The following ELMO1 variants were observed in gnomAD, a reference collection of about 807,000 sequenced individuals.
The protein encoded by ELMO1 is engulfment and cell motility protein 1.
In ELMO1, 26 loss-of-function variants were observed where a neutral mutation model predicts 98.9. The ratio of observed to expected loss-of-function variants is 0.26; its 90% CI spans 0.19 to 0.36. The LOEUF (loss-of-function observed/expected upper bound fraction) is 0.36, where lower values mean the gene tolerates loss of function less well. Ranked by LOEUF, ELMO1 falls within the 10% of genes least tolerant of loss-of-function variation. The pLI is 1.00. For missense variants in ELMO1, 627 were observed against 935.2 expected (o/e 0.67, Z 4.30); for synonymous variants, 346 against 346.0 (o/e 1.00, Z 0.00).
intron 13 of ELMO1, among the ~76,000 whole-genome samples, chr7:37,187,854 T>C (rs1791311458): frequency 6.6e-6 from 1 of 152,082 alleles, no homozygotes; most frequent in South Asian, 2.1e-4. Context: ...TTTAAAAAAA[T>C]AACGACACAA....
chr7:37,131,796 C>G (rs1297839125), intron 14 of ELMO1, among the ~76,000 whole-genome samples: 1 of 152,196 alleles, frequency 6.6e-6, no homozygotes, highest in Admixed American at 6.5e-5. Context: ...CAATAAAATT[C>G]TCTATATATT....
intron 10 of ELMO1, among the ~76,000 whole-genome samples, chr7:37,221,637 C>CA: frequency 6.6e-6 from 1 of 152,248 alleles, no homozygotes; most frequent in African/African-American, 2.4e-5. Flanking sequence ...AAAGGATCTA[C>CA]AGACAAAGGA....
intron 1 of ELMO1, chr7:37,429,799 G>A (rs1468982309): frequency 6.6e-6 from 1 of 152,326 alleles, no homozygotes; most frequent in East Asian, 1.9e-4. Context: ...TGAAGGATGA[G>A]GAATGGAACT....
chr7:36,896,367 C>T (rs1805997493), intron 16 of ELMO1, among the ~76,000 whole-genome samples: 1 of 152,186 alleles, frequency 6.6e-6, no homozygotes, highest in Non-Finnish European at 1.5e-5. Context: ...TGATATATTT[C>T]TTGCCTTCCG....
chr7:36,889,382 C>T (rs1045658000), intron 17 of ELMO1, among the ~76,000 whole-genome samples: 3 of 152,256 alleles, frequency 2.0e-5, no homozygotes, highest in Admixed American at 6.5e-5. Flanking sequence ...CAGTAAATTG[C>T]AGCTTTGAAG....
At chr7:37,373,013 G>C (rs1802177806) in intron 1 of ELMO1, among the ~76,000 whole-genome samples, 1 of 152,198 alleles carries the variant, frequency 6.6e-6, no homozygotes, top group Non-Finnish European at 1.5e-5. Flanking sequence ...GTACGGAAGT[G>C]GCACCCGTGC....
chr7:37,031,389 G>A (rs530479991), intron 15 of ELMO1, among the ~76,000 whole-genome samples: 2 of 152,246 alleles, frequency 1.3e-5, no homozygotes, highest in African/African-American at 4.8e-5. Flanking sequence ...AAAATTTTGA[G>A]AAAATAAGAC....
chr7:37,255,168 G>GT (rs1228500195), intron 6 of ELMO1, among the ~76,000 whole-genome samples: 7 of 152,318 alleles, frequency 4.6e-5, no homozygotes, highest in African/African-American at 1.7e-4. Flanking sequence ...GAATGGGACA[G>GT]TATTTGGAGA....
chr7:37,093,226 T>G (rs1342827610), intron 15 of ELMO1, among the ~76,000 whole-genome samples: 2 of 152,132 alleles, frequency 1.3e-5, no homozygotes, highest in Non-Finnish European at 2.9e-5. Flanking sequence ...ATATTTGGTA[T>G]CAGTAATTAA....
chr7:37,270,266 T>A (rs1796486022), intron 5 of ELMO1: 3 of 152,168 alleles, frequency 2.0e-5, no homozygotes, highest in Non-Finnish European at 4.4e-5. Context: ...CTCCATTAAG[T>A]AGCAAAGCAG....
intron 13 of ELMO1, among the ~76,000 whole-genome samples, chr7:37,174,089 C>G (rs1463926966): frequency 6.6e-6 from 1 of 152,194 alleles, no homozygotes; most frequent in Admixed American, 6.5e-5. Context: ...TAAATGAAAC[C>G]ATGACTGGGG....
chr7:36,897,647 C>T (rs924222645), intron 16 of ELMO1, among the ~76,000 whole-genome samples: 7 of 152,058 alleles, frequency 4.6e-5, no homozygotes, highest in Non-Finnish European at 1.0e-4. Flanking sequence ...TTTACAGGCT[C>T]ATGGGTGCAC....
At chr7:37,257,814 C>T (rs1206401333) in intron 6 of ELMO1, among the ~76,000 whole-genome samples, 2 of 151,220 alleles carry the variant, frequency 1.3e-5, no homozygotes, top group African/African-American at 4.9e-5. Flanking sequence ...ATCTGGCTGA[C>T]ATGGTGAAAC....
intron 16 of ELMO1, among the ~76,000 whole-genome samples, chr7:36,928,972 T>C (rs1785805325): frequency 6.6e-6 from 1 of 152,196 alleles, no homozygotes; most frequent in African/African-American, 2.4e-5. Flanking sequence ...AACCATCACC[T>C]ATGGAAGTTT....
chr7:36,865,287 G>A (rs1802950778), intron 20 of ELMO1, among the ~76,000 whole-genome samples: 1 of 152,196 alleles, frequency 6.6e-6, no homozygotes. Context: ...AACTCGGCAT[G>A]TGTGTGGGTG....
chr7:37,134,412 A>T (rs753242009), intron 13 of ELMO1, among the ~76,000 whole-genome samples: 5 of 152,104 alleles, frequency 3.3e-5, no homozygotes, highest in Non-Finnish European at 7.4e-5. Context: ...ACAAAAAATT[A>T]GCTGGGTGTG....
chr7:36,891,125 G>A (rs1221574378), intron 17 of ELMO1, among the ~76,000 whole-genome samples: 1 of 152,152 alleles, frequency 6.6e-6, no homozygotes, highest in African/African-American at 2.4e-5. Flanking sequence ...CCCTTATCTT[G>A]CTTTGTGTCT....
At chr7:37,433,734 C>A (rs988971558) in intron 1 of ELMO1, among the ~76,000 whole-genome samples, 3 of 152,108 alleles carry the variant, frequency 2.0e-5, no homozygotes, top group African/African-American at 7.2e-5. Context: ...CCCCCAAAAA[C>A]GAATTCTCCT....
chr7:36,909,446 A>G (rs1020948021), intron 16 of ELMO1, among the ~76,000 whole-genome samples: 2 of 152,256 alleles, frequency 1.3e-5, no homozygotes, highest in African/African-American at 4.8e-5. Context: ...TGGGGCAGGC[A>G]GAACTGCCAT....
Sources: gnomAD v4.1 joint callset for allele counts (sites outside exome capture counted in the v4.1 genomes callset) on GRCh38, gnomAD v4.1.1 for gene constraint, MANE v1.5 for transcripts, NCBI Gene and HGNC (gene_info 2026-07-23, HGNC 2026-07-21) for gene names.